The following OSTF1 variants were observed in gnomAD, a reference collection of about 807,000 sequenced individuals.
OSTF1 encodes the protein osteoclast-stimulating factor 1.
OSTF1 carries 27 observed loss-of-function variants against 37.2 expected under a neutral mutation model. That is an observed-to-expected ratio of 0.73 (90% confidence interval 0.54 to 1.00). The LOEUF is 1.00. Ranked by LOEUF, OSTF1 falls within the 50% of genes least tolerant of loss-of-function variation. The probability of loss-of-function intolerance (pLI) is 0.00; values close to 1 mark genes in which losing one functional copy is unlikely to be tolerated. For missense variants in OSTF1, 232 were observed against 253.8 expected, an observed-to-expected ratio of 0.91 and a Z score of 0.58; for synonymous variants, 82 against 89.2, an observed-to-expected ratio of 0.92 and a Z score of 0.46.
chr9:75,126,306 T>G (rs1825660766), intron 2 of OSTF1, among the ~76,000 whole-genome samples: 1 of 152,232 alleles, frequency 6.6e-6, no homozygotes, highest in Non-Finnish European at 1.5e-5. Context: ...TTAAAAGTAT[T>G]TTTCCCACCT....
At position 75,130,655 on chromosome 9, in the gene OSTF1, A is replaced by G; in HGVS notation, c.196+14A>G. On this transcript the variant is annotated intron_variant, in intron 4 of 9. Transcript: ENST00000346234. ...CAAGCAACTATGGTAAGTGTTGCTG[A>G]GTGGTTTTACTTTAGCTTCGTTCAC... 1 of 1,588,354 alleles carries G rather than the reference A, an allele frequency of 6.3e-7. No individual in the cohort carries two copies. Among genetic ancestry groups the G allele is most frequent in the Non-Finnish European group, 8.6e-7 (1 of 1,156,804 alleles).
chr9:75,109,520 T>C lies in OSTF1; in HGVS notation c.35-7984T>C, dbSNP rs116422145. On this transcript the variant is annotated intron_variant, in intron 1 of 9. Coordinates refer to ENST00000346234, the MANE Select transcript of OSTF1 (RefSeq NM_012383.5). ...GTAATTTCTTCTATTATGTATAGTG[T>C]ACACTGGTCTTTCTGACCCATTTAA... Among the ~76,000 whole-genome samples the C allele has an allele frequency of 2.9e-3, 436 of 152,368 alleles. 1 individual carries two copies. The highest frequency in any genetic ancestry group is 0.01 in the African/African-American group (427 of 41,582).
At chr9:75,098,181 A>G (rs943014705) in intron 1 of OSTF1, among the ~76,000 whole-genome samples, 3 of 152,196 alleles carry the variant, frequency 2.0e-5, no homozygotes, top group African/African-American at 7.2e-5. Flanking sequence ...TCCTTCTCCT[A>G]GACTCCTGGG....
intron 9 of OSTF1, 85 bp from the exon 10 acceptor site, chr9:75,146,598 A>G: frequency 1.1e-6 from 1 of 903,708 alleles, no homozygotes; most frequent in Non-Finnish European, 1.8e-6. Flanking sequence ...TTCTATTCTA[A>G]TTTAAGAGCT....
chr9:75,139,540 T>C (rs1471436934), intron 8 of OSTF1, among the ~76,000 whole-genome samples: 2 of 152,146 alleles, frequency 1.3e-5, no homozygotes, highest in Non-Finnish European at 2.9e-5. Context: ...GTGATTCTCA[T>C]GCCTCAGTCT....
In OSTF1 at chr9:75,131,815, C is replaced by G. The variant is rs1460525177; in HGVS notation, c.242C>G (p.Ala81Gly). The change falls in exon 5 of 10, where the codon GCA (alanine) becomes GGA (glycine). Residue 81 changes from alanine (A) to glycine (G), a missense_variant. Ala to Gly is a moderately conservative substitution (Grantham distance 60, BLOSUM62 0). Transcript: ENST00000346234. Reference sequence around the variant, plus strand: ...ATTGACAATCCATTGCATGAAGCAGCAAAAAGAGGTAGGTGTGATTCTTTT... The same window carrying G: ...ATTGACAATCCATTGCATGAAGCAGGAAAAAGAGGTAGGTGTGATTCTTTT... The part of the protein sequence containing the change: ...ESIDNPLHEA[A>G]KRGNLSWLRE... 1 of 1,611,910 alleles carries G rather than the reference C, an allele frequency of 6.2e-7. No individual in the cohort carries two copies. Among genetic ancestry groups the G allele is most frequent in the Non-Finnish European group, 8.5e-7 (1 of 1,178,342 alleles).
intron 2 of OSTF1, 135 bp downstream of exon 2, chr9:75,117,685 C>G (rs1211679106): frequency 4.6e-6 from 3 of 658,422 alleles, no homozygotes; most frequent in Non-Finnish European, 8.1e-6. Context: ...ATGTTGGGTC[C>G]AGAGCTGTGC....
In OSTF1 at chr9:75,088,662, G is replaced by A. The variant is rs1473322650; in HGVS notation, c.-31G>A. 8 of 1,602,674 alleles carry A rather than the reference G, an allele frequency of 5.0e-6. No homozygotes were observed. Among genetic ancestry groups the A allele is most frequent in the Non-Finnish European group, 6.0e-6 (7 of 1,174,504 alleles). ...GGCAAGCGGTGGGCTTTTCGGCGGG[G>A]TCTTTAGGATTTGCAGCTCCAGGAA... On this transcript the variant is annotated 5_prime_UTR_variant, in exon 1 of 10. Transcript: ENST00000346234.
chr9:75,111,811 CTTTTTTTTTTTTTTTTTTT>C (rs535464490), intron 1 of OSTF1, among the ~76,000 whole-genome samples: 1 of 52,158 alleles, frequency 1.9e-5, no homozygotes, highest in East Asian at 6.6e-4. Context: ...ATGTTTACTG[CTTTTTTTTTTTTTTTTTTT>C]TTTTTTTTTT....
At chr9:75,144,646 TC>T (rs1198011789) in intron 9 of OSTF1, among the ~76,000 whole-genome samples, 1 of 152,144 alleles carries the variant, frequency 6.6e-6, no homozygotes, top group South Asian at 2.1e-4. Flanking sequence ...CTTCTTCTTT[TC>T]TTTTTCTCAA....
At chr9:75,102,966 C>T (rs1228838749) in intron 1 of OSTF1, among the ~76,000 whole-genome samples, 2 of 152,100 alleles carry the variant, frequency 1.3e-5, no homozygotes, top group South Asian at 2.1e-4. Context: ...AAGGAGGACT[C>T]ATATTAGTAA....
chr9:75,120,371 G>C (rs929189823), intron 2 of OSTF1, among the ~76,000 whole-genome samples: 1 of 152,102 alleles, frequency 6.6e-6, no homozygotes, highest in African/African-American at 2.4e-5. Flanking sequence ...GTCCTTATCA[G>C]TTGTGTCCTG....
chr9:75,146,652 A>G (rs2118656009), intron 9 of OSTF1, 31 bp from the exon 10 acceptor site: 4 of 1,511,900 alleles, frequency 2.6e-6, no homozygotes, highest in South Asian at 2.3e-5. Flanking sequence ...TAATTTCCCT[A>G]TTTTGCTTTT....
intron 5 of OSTF1, among the ~76,000 whole-genome samples, chr9:75,132,043 A>G (rs545037773): frequency 2.0e-4 from 30 of 152,330 alleles, no homozygotes; most frequent in Admixed American, 4.6e-4. Context: ...TTTAGTTTTA[A>G]AATGTCAGTC....
Position 75,140,852 on chromosome 9 carries a change from G to C in OSTF1, c.506G>C (p.Arg169Thr), listed in dbSNP as rs766566969. The C allele has an allele frequency of 3.7e-5, 59 of 1,613,380 alleles. No homozygotes were observed. Among genetic ancestry groups the C allele is most frequent in the Non-Finnish European group, 4.7e-5 (55 of 1,179,566 alleles). Residue 169 changes from arginine (R) to threonine (T), a missense_variant, in exon 9 of 10, where the codon AGA becomes ACA. Transcript: ENST00000346234. ...TGGGAAGGTGCTAGAACAGACTTAA[G>C]AAACATTGAGAAGAAGCTGGCCTTC... is the stretch of plus-strand genomic sequence containing the variant. ...LLAKGARTDL[R>T]NIEKKLAFDM...
At chr9:75,134,197 GT>G in intron 6 of OSTF1, 148 bp from the exon 7 acceptor site, 4 of 505,994 alleles carry the variant, frequency 7.9e-6, no homozygotes, top group Non-Finnish European at 1.4e-5. Flanking sequence ...AGATTCTTAA[GT>G]TTTTCTATTT....
chr9:75,137,232 G>C (rs961279732), intron 7 of OSTF1, among the ~76,000 whole-genome samples: 4 of 152,046 alleles, frequency 2.6e-5, no homozygotes, highest in Non-Finnish European at 4.4e-5. Context: ...CCTAATTTTT[G>C]CCAGGCTTCT....
intron 8 of OSTF1, among the ~76,000 whole-genome samples, chr9:75,139,061 T>TCTTTCTTTTCTTTCTTTTC (rs1825895719): frequency 2.1e-5 from 3 of 140,972 alleles, no homozygotes; most frequent in Non-Finnish European, 4.6e-5. Flanking sequence ...TTTCTTTTTT[T>TCTTTCTTTTCTTTCTTTTC]TTTGAAACTG....
intron 9 of OSTF1, among the ~76,000 whole-genome samples, chr9:75,143,366 A>C (rs542246011): frequency 6.6e-6 from 1 of 152,148 alleles, no homozygotes; most frequent in African/African-American, 2.4e-5. Flanking sequence ...TTTGTGTATA[A>C]TTTACATTAA....
Sources: gnomAD v4.1 joint callset for allele counts (sites outside exome capture counted in the v4.1 genomes callset) on GRCh38, gnomAD v4.1.1 for gene constraint, MANE v1.5 for transcripts, NCBI Gene and HGNC (gene_info 2026-07-23, HGNC 2026-07-21) for gene names.